Variants in AK5 observed in about 807,000 individuals in gnomAD.
AK5 encodes adenylate kinase isoenzyme 5.
A neutral mutation model predicts 69.5 loss-of-function variants in AK5; 27 were observed. The ratio of observed to expected loss-of-function variants is 0.39; its 90% CI spans 0.29 to 0.54. The LOEUF (loss-of-function observed/expected upper bound fraction) is 0.54. AK5 is among the 20% of genes least tolerant of loss of function. The pLI, the probability that AK5 is intolerant of heterozygous loss-of-function variation, is 0.71. For synonymous variants in AK5, 260 were observed against 244.4 expected, an observed-to-expected ratio of 1.06 and a Z score of -0.60; for missense variants, 531 against 700.4, an observed-to-expected ratio of 0.76 and a Z score of 2.73.
At chr1:77,381,255 A>C (rs989436785) in intron 6 of AK5, among the ~76,000 whole-genome samples, 13 of 152,248 alleles carry the variant, frequency 8.5e-5, no homozygotes, top group Admixed American at 6.5e-4. Context: ...AGCAACAAGA[A>C]TGTTTATGAA....
At chr1:77,353,461 G>A (rs7516637) in intron 6 of AK5, among the ~76,000 whole-genome samples, 83,622 of 151,968 alleles carry the variant, frequency 0.55, 23,225 homozygotes, top group East Asian at 0.78. Context: ...CAGGGCGGTA[G>A]AGCAAGACTC....
At chr1:77,334,402 G>A (rs1232455239) in intron 5 of AK5, among the ~76,000 whole-genome samples, 1 of 152,050 alleles carries the variant, frequency 6.6e-6, no homozygotes, top group African/African-American at 2.4e-5. Context: ...TAGGTTTTCA[G>A]TTTTACTATG....
chr1:77,351,766 G>A (rs913386170), intron 6 of AK5, among the ~76,000 whole-genome samples: 16 of 152,136 alleles, frequency 1.1e-4, no homozygotes, highest in African/African-American at 3.6e-4. Context: ...AGGGGAGGCT[G>A]CAAAACGGAG....
intron 8 of AK5, among the ~76,000 whole-genome samples, chr1:77,475,424 AT>A (rs1307833390): frequency 0.071 from 300 of 4,224 alleles, 6 homozygotes; most frequent in South Asian, 0.095. Flanking sequence ...TATACTATAT[AT>A]TATATATATG....
intron 10 of AK5, among the ~76,000 whole-genome samples, chr1:77,493,185 G>A (rs1469686447): frequency 6.6e-6 from 1 of 152,108 alleles, no homozygotes; most frequent in Admixed American, 6.6e-5. Context: ...GACTGAGTAA[G>A]GAAGATCCAC....
At chr1:77,407,472 G>A (rs1649735607) in intron 6 of AK5, among the ~76,000 whole-genome samples, 1 of 152,164 alleles carries the variant, frequency 6.6e-6, no homozygotes, top group African/African-American at 2.4e-5. Context: ...GTTACAGAAA[G>A]CAGATAAATG....
At chr1:77,372,637 G>A (rs956977718) in intron 6 of AK5, among the ~76,000 whole-genome samples, 22 of 152,066 alleles carry the variant, frequency 1.4e-4, no homozygotes, top group African/African-American at 5.3e-4. Context: ...AATCACTTTG[G>A]ATATATAAGG....
At chr1:77,419,804 A>G (rs773137609) in intron 8 of AK5, among the ~76,000 whole-genome samples, 1 of 152,150 alleles carries the variant, frequency 6.6e-6, no homozygotes, top group Non-Finnish European at 1.5e-5. Context: ...ATAGTTGAGA[A>G]TTTTACAGTT....
chr1:77,360,132 G>GTA (rs954019927), intron 6 of AK5, among the ~76,000 whole-genome samples: 26 of 152,170 alleles, frequency 1.7e-4, no homozygotes, highest in Admixed American at 1.7e-3. Context: ...AATTCGGTAA[G>GTA]TATGCATTAC....
chr1:77,285,335 T>C lies in AK5; in HGVS notation c.61-1606T>C, dbSNP rs371527063. The stretch of plus-strand genomic sequence containing the variant: ...ATTTTGACAAACAAACTGAATTGGA[T>C]GCCCGGGTAATTTTTTCTGCTCCCT... On this transcript the variant is annotated intron_variant, in intron 1 of 13. Coordinates refer to ENST00000354567, the MANE Select transcript of AK5 (RefSeq NM_174858.3). Among the ~76,000 whole-genome samples the C allele has an allele frequency of 8.6e-5, 13 of 152,002 alleles. No individual in the cohort carries two copies. The East Asian group carries it at 1.5e-3, about 18-fold the overall frequency.
intron 13 of AK5, chr1:77,540,785 A>G (rs1354882631): frequency 6.6e-6 from 1 of 152,248 alleles, no homozygotes; most frequent in African/African-American, 2.4e-5. Context: ...TATAAAAGTA[A>G]CACATACTTG....
intron 12 of AK5, among the ~76,000 whole-genome samples, chr1:77,525,517 T>TGA (rs145644474): frequency 6.5e-4 from 99 of 152,230 alleles, no homozygotes; most frequent in African/African-American, 2.3e-3. Context: ...CATCACATGT[T>TGA]GAGAGAGAGA....
chr1:77,410,811 A>C (rs1466082634), intron 6 of AK5, among the ~76,000 whole-genome samples, 170 bp from the exon 7 acceptor site: 1 of 152,126 alleles, frequency 6.6e-6, no homozygotes, highest in Non-Finnish European at 1.5e-5. Context: ...GTTCGATAGG[A>C]GGTCTGGGCT....
chr1:77,493,026 C>A (rs1284556212), intron 10 of AK5, among the ~76,000 whole-genome samples: 1 of 152,158 alleles, frequency 6.6e-6, no homozygotes, highest in Non-Finnish European at 1.5e-5. Context: ...GAAGTGAAAT[C>A]GGGCAGCTCA....
intron 8 of AK5, among the ~76,000 whole-genome samples, chr1:77,480,145 TG>T (rs1655172860): frequency 6.6e-6 from 1 of 151,956 alleles, no homozygotes; most frequent in Non-Finnish European, 1.5e-5. Context: ...TGTGTGTGTG[TG>T]TGTGTGTGTG....
chr1:77,393,906 C>T (rs373919081), intron 6 of AK5, among the ~76,000 whole-genome samples: 1 of 152,030 alleles, frequency 6.6e-6, no homozygotes, highest in Non-Finnish European at 1.5e-5. Flanking sequence ...ATTTATCAAG[C>T]CAGATTTTAA....
chr1:77,293,769 C>T (rs761502561), intron 2 of AK5, 24 bp from the exon 3 acceptor site: 1 of 1,562,228 alleles, frequency 6.4e-7, no homozygotes. Context: ...TTTTCCTTTT[C>T]AAAGTTATCT....
chr1:77,558,698 G>A lies in AK5; in HGVS notation c.*28G>A. On this transcript the variant is annotated 3_prime_UTR_variant, in exon 14 of 14. Transcript: ENST00000354567. ...GCAAAAATGCATGTTTGTTAGAATG[G>A]AAACAGAAAAACATTAAAAAGTTCA... is the stretch of plus-strand genomic sequence containing the variant. The A allele has an allele frequency of 4.8e-6, 7 of 1,456,096 alleles. No homozygotes were observed. The highest frequency in any genetic ancestry group is 6.7e-6 in the Non-Finnish European group (7 of 1,040,704). 90.2% of individuals were successfully genotyped at this position (1,456,096 alleles called of 1,614,324 possible).
At position 77,535,819 on chromosome 1, in the gene AK5, CT is replaced by C. The variant is rs771670775; in HGVS notation, c.1429-27del. ...AACATCAGCAGGGTGAGGTTTCTGA[CT>C]GTGTTGTGCTCCACTCCCATCTCCA... On this transcript the variant is annotated intron_variant, in intron 12 of 13. Coordinates refer to ENST00000354567, the MANE Select transcript of AK5 (RefSeq NM_174858.3). The C allele has an allele frequency of 2.7e-5, 43 of 1,591,356 alleles. No individual in the cohort carries two copies. The African/African-American group carries it at 5.3e-4, about 20-fold the overall frequency.
Sources: gnomAD v4.1 joint callset for allele counts (sites outside exome capture counted in the v4.1 genomes callset) on GRCh38, gnomAD v4.1.1 for gene constraint, MANE v1.5 for transcripts, NCBI Gene and HGNC (gene_info 2026-07-23, HGNC 2026-07-21) for gene names.